Variants in TGM6 observed in about 807,000 individuals in gnomAD.
TGM6 encodes transglutaminase 6.
TGM6 carries 74 observed loss-of-function variants against 77.5 expected under a neutral mutation model. The observed-to-expected ratio is 0.96, with a 90% confidence interval of 0.79 to 1.16. TGM6 has a LOEUF of 1.16. TGM6 is among the 50% of genes most tolerant of loss of function. The pLI, the probability that TGM6 is intolerant of heterozygous loss-of-function variation, is 0.00. For synonymous variants in TGM6, 383 were observed against 378.9 expected, an observed-to-expected ratio of 1.01 and a Z score of -0.12; for missense variants, 968 against 940.2, an observed-to-expected ratio of 1.03 and a Z score of -0.39.
chr20:2,403,597 C>T lies in TGM6; in HGVS notation c.1110C>T (p.Gly370=). 1.2e-6 allele frequency: 2 copies of T among 1,614,150 alleles called. No homozygotes were observed. The highest frequency in any genetic ancestry group is 2.2e-5 in the South Asian group (2 of 91,078). ...CCTGCCCAGGTGTGTTCCGGTGCGGCCCAGCCTCAGTCACCGCCATCCGCG... is the reference window on the plus strand; with the variant it reads ...CCTGCCCAGGTGTGTTCCGGTGCGGTCCAGCCTCAGTCACCGCCATCCGCG... ...QEESEGVFRC[G]PASVTAIREG... Residue 370 remains glycine, a synonymous_variant, in exon 9 of 13, where the codon GGC becomes GGT. Coordinates refer to ENST00000202625, the MANE Select transcript of TGM6 (RefSeq NM_198994.3).
At chr20:2,418,829 C>A (rs1445337535) in intron 10 of TGM6, among the ~76,000 whole-genome samples, 1 of 147,550 alleles carries the variant, frequency 6.8e-6, no homozygotes, top group Non-Finnish European at 1.5e-5. Flanking sequence ...GTAATCCTAG[C>A]ATTTTGGGAG....
At chr20:2,427,242 A>C (rs1304063158) in intron 10 of TGM6, among the ~76,000 whole-genome samples, 1 of 152,038 alleles carries the variant, frequency 6.6e-6, no homozygotes, top group Non-Finnish European at 1.5e-5. Context: ...TTTTTCTTTC[A>C]AGAACTGGTC....
intron 2 of TGM6, 97 bp from the exon 3 acceptor site, chr20:2,395,097 G>C (rs1483272149): frequency 6.5e-7 from 1 of 1,547,688 alleles, no homozygotes; most frequent in African/African-American, 1.4e-5. Flanking sequence ...AAGTTCAGGG[G>C]GTGAAGGTGG....
At chr20:2,432,389 G>T in intron 12 of TGM6, 101 bp from the exon 13 acceptor site, 1 of 1,464,702 alleles carries the variant, frequency 6.8e-7, no homozygotes. Context: ...GCCACAAGGT[G>T]AACTTGATCC....
chr20:2,426,908 T>C (rs2084891664), intron 10 of TGM6, among the ~76,000 whole-genome samples: 1 of 152,186 alleles, frequency 6.6e-6, no homozygotes, highest in Non-Finnish European at 1.5e-5. Context: ...AATTTACCAA[T>C]ATTTTGTGGG....
rs563266460 is a variant in TGM6 at position 2,404,092 on chromosome 20, C to T, written c.1336+269C>T. On this transcript the variant is annotated intron_variant, in intron 9 of 12. Coordinates refer to ENST00000202625, the MANE Select transcript of TGM6 (RefSeq NM_198994.3). ...CATCTCCTTGAACACTTGCCATATACCAGGCACTGCATTAGGTATGTTCAC... is the reference window on the plus strand; with the variant it reads ...CATCTCCTTGAACACTTGCCATATATCAGGCACTGCATTAGGTATGTTCAC... 2.6e-4 allele frequency among the ~76,000 whole-genome samples: 39 copies of T among 152,328 alleles called. No individual in the cohort carries two copies. In the South Asian group the frequency reaches 8.1e-3, roughly 32 times the overall value.
chr20:2,397,823 C>T (rs1189592725), intron 4 of TGM6, 95 bp from the exon 5 acceptor site: 1 of 1,607,230 alleles, frequency 6.2e-7, no homozygotes, highest in Non-Finnish European at 8.5e-7. Flanking sequence ...AACTGCCCTG[C>T]ACAGATGGGG....
At chr20:2,413,360 G>A (rs1206865898) in intron 9 of TGM6, among the ~76,000 whole-genome samples, 1 of 152,188 alleles carries the variant, frequency 6.6e-6, no homozygotes, top group South Asian at 2.1e-4. Context: ...AATGAGCCAT[G>A]ATTGCACCAC....
At chr20:2,388,581 G>T (rs1258276030) in intron 1 of TGM6, among the ~76,000 whole-genome samples, 4 of 150,738 alleles carry the variant, frequency 2.7e-5, no homozygotes, top group African/African-American at 9.8e-5. Context: ...AGACCAGCCT[G>T]GTCAACATAG....
intron 4 of TGM6, among the ~76,000 whole-genome samples, chr20:2,396,851 A>G (rs989303312): frequency 6.6e-6 from 1 of 152,158 alleles, no homozygotes; most frequent in Non-Finnish European, 1.5e-5. Flanking sequence ...AGAACAGGTC[A>G]GTATGGTTGT....
rs6048684 is a variant in TGM6 at position 2,400,455 on chromosome 20, C to T, written c.989+11C>T. The T allele has an allele frequency of 2.5e-3, 3,958 of 1,613,924 alleles. 91 individuals are homozygous for T. The African/African-American group carries it at 0.046, about 19-fold the overall frequency. Reference sequence around the variant, plus strand: ...AGAAGACAGCATGTGGTGGGTCCTGCCCCCAGCCTAGGCCCGAGGGCTCTG... The same window carrying T: ...AGAAGACAGCATGTGGTGGGTCCTGTCCCCAGCCTAGGCCCGAGGGCTCTG... On this transcript the variant is annotated intron_variant, in intron 7 of 12. Coordinates refer to ENST00000202625, the MANE Select transcript of TGM6 (RefSeq NM_198994.3).
chr20:2,403,859 CG>C, intron 9 of TGM6, 36 bp downstream of exon 9: 3 of 1,613,614 alleles, frequency 1.9e-6, no homozygotes, highest in Non-Finnish European at 2.5e-6. Context: ...TACCTTCCCC[CG>C]GATGGCCCAT....
At chr20:2,423,426 G>C (rs188530925) in intron 10 of TGM6, among the ~76,000 whole-genome samples, 8 of 152,258 alleles carry the variant, frequency 5.3e-5, no homozygotes, top group Admixed American at 5.2e-4. Flanking sequence ...TTCACCAGGA[G>C]TAGTTTCCAT....
At position 2,396,611 on chromosome 20, in the gene TGM6, G is replaced by A. The variant is rs776877060; in HGVS notation, c.530G>A (p.Trp177Ter). The change falls in exon 4 of 13, where the codon TGG becomes TAG. Residue 177 changes from tryptophan (W) to a stop codon, truncating the protein, a stop_gained. Transcript: ENST00000202625. LOFTEE classifies it high-confidence loss of function. Reference protein sequence around the residue: ...GVEKHIRAQGWNYGQFEEDIL... With the variant: ...GVEKHIRAQG ...GAGAAGCACATACGAGCCCAGGGCT[G>A]GAACTACGGGCAGGTCTCCAGGGGC... is the stretch of plus-strand genomic sequence containing the variant. 1 of 1,614,194 alleles carries A rather than the reference G, an allele frequency of 6.2e-7. No individual in the cohort carries two copies. The highest frequency in any genetic ancestry group is 8.5e-7 in the Non-Finnish European group (1 of 1,180,032).
intron 1 of TGM6, among the ~76,000 whole-genome samples, chr20:2,382,746 T>G (rs2084564946): frequency 6.6e-6 from 1 of 152,016 alleles, no homozygotes; most frequent in Non-Finnish European, 1.5e-5. Flanking sequence ...AGATGGAAAG[T>G]GTATTCATCT....
intron 1 of TGM6, among the ~76,000 whole-genome samples, chr20:2,393,635 G>A (rs1357834855): frequency 6.6e-6 from 1 of 152,082 alleles, no homozygotes; most frequent in Non-Finnish European, 1.5e-5. Flanking sequence ...CCGGGTTCAA[G>A]CGATTCTCCT....
intron 1 of TGM6, among the ~76,000 whole-genome samples, chr20:2,393,428 C>A (rs771487362): frequency 1.3e-5 from 2 of 152,154 alleles, no homozygotes; most frequent in Non-Finnish European, 2.9e-5. Context: ...AGGAAAGCTG[C>A]GACACGCCTT....
At chr20:2,416,198 A>G (rs980705486) in intron 9 of TGM6, among the ~76,000 whole-genome samples, 3 of 152,204 alleles carry the variant, frequency 2.0e-5, no homozygotes, top group Admixed American at 6.5e-5. Context: ...TATGCCCAGC[A>G]TAGCAGCTCT....
intron 4 of TGM6, 21 bp from the exon 5 acceptor site, chr20:2,397,897 C>A (rs1437013594): frequency 6.2e-7 from 1 of 1,614,116 alleles, no homozygotes; most frequent in Admixed American, 1.7e-5. Context: ...AGCCTCTAAG[C>A]ACAGCCTCTC....
Sources: allele counts gnomAD v4.1 joint callset (sites outside exome capture counted in the v4.1 genomes callset), GRCh38; gene constraint gnomAD v4.1.1; transcripts MANE v1.5; gene names NCBI Gene and HGNC (gene_info 2026-07-23, HGNC 2026-07-21).